Variants in MTERF4 observed in about 807,000 individuals in gnomAD.
MTERF4 encodes mitochondrial transcription termination factor 4, also known as transcription termination factor 4, mitochondrial.
Under a neutral mutation model 22.5 loss-of-function variants are expected in MTERF4, and 17 were observed. That is an observed-to-expected ratio of 0.75 (90% CI 0.52 to 1.13). The LOEUF (loss-of-function observed/expected upper bound fraction) is 1.13, where lower values mean the gene tolerates loss of function less well. Among genes scored for constraint, MTERF4 ranks in the 50% most tolerant of loss-of-function variants. MTERF4 has a pLI of 0.00. For synonymous variants in MTERF4, 165 were observed against 175.3 expected (o/e 0.94, Z 0.47); for missense variants, 420 against 466.8 (o/e 0.90, Z 0.92).
chr2:241,063,954 C>T, the MTERF4 span: 8 of 1,278,714 alleles, frequency 6.3e-6, no homozygotes, highest in Non-Finnish European at 4.4e-6. Context: ...GCTGTCCTCT[C>T]CTCCCTCCCC....
At chr2:241,101,113 T>C (rs55703168) in intron 1 of MTERF4, 6,559 of 458,232 alleles carry the variant, frequency 0.014, 371 homozygotes, top group African/African-American at 0.12. Flanking sequence ...GTGCACTTTA[T>C]TTCTGTTATT....
downstream of MTERF4, chr2:241,067,660 C>G: frequency 1.1e-6 from 1 of 909,752 alleles, no homozygotes; most frequent in Non-Finnish European, 1.7e-6. Context: ...CAGTGCCTCT[C>G]TGTGGCCCCC....
downstream of MTERF4, chr2:241,087,907 G>C (rs540412121): frequency 7.2e-6 from 3 of 418,732 alleles, no homozygotes; most frequent in Admixed American, 8.3e-5. Context: ...AAAGAAGTAC[G>C]TGAGAATATT....
the MTERF4 span, chr2:241,063,517 G>A: frequency 3.0e-6 from 3 of 992,038 alleles, no homozygotes; most frequent in African/African-American, 3.2e-5. Context: ...GGAAATGCAC[G>A]GAATCCTGGG....
At chr2:241,061,057 C>T in the MTERF4 span, among the ~76,000 whole-genome samples, 1 of 152,096 alleles carries the variant, frequency 6.6e-6, no homozygotes, top group African/African-American at 2.4e-5. Context: ...GATGAACATA[C>T]TTGACCATAT....
At chr2:241,053,731 C>T in the MTERF4 span, among the ~76,000 whole-genome samples, 1 of 152,170 alleles carries the variant, frequency 6.6e-6, no homozygotes, top group South Asian at 2.1e-4. Context: ...CCCCCTTCCC[C>T]CTGCAGGCAT....
chr2:241,046,083 A>G, the MTERF4 span, among the ~76,000 whole-genome samples: 1 of 152,254 alleles, frequency 6.6e-6, no homozygotes, highest in African/African-American at 2.4e-5. Flanking sequence ...AATATCAGCC[A>G]TTAGTGAAAT....
chr2:241,101,729 T>C (rs1375274072), intron 1 of MTERF4, among the ~76,000 whole-genome samples: 1 of 152,236 alleles, frequency 6.6e-6, no homozygotes, highest in Non-Finnish European at 1.5e-5. Flanking sequence ...GTACATGTTA[T>C]CTTCCTTGTG....
At chr2:241,052,023 C>T in the MTERF4 span, 4 of 1,608,902 alleles carry the variant, frequency 2.5e-6, no homozygotes, top group Admixed American at 3.3e-5. Flanking sequence ...GTGACCCTGA[C>T]CTGGCTTCTG....
the MTERF4 span, among the ~76,000 whole-genome samples, chr2:241,061,848 TC>T: frequency 2.7e-5 from 3 of 110,106 alleles, no homozygotes; most frequent in African/African-American, 1.1e-4. Flanking sequence ...CGAAACTCCA[TC>T]CCCCCAAAAA....
chr2:241,064,782 G>A, the MTERF4 span: 2 of 1,229,764 alleles, frequency 1.6e-6, no homozygotes, highest in Non-Finnish European at 2.2e-6. This position sits in a 1 kb window ranked among gnomAD's most constrained non-coding sequence, Gnocchi z 7.0. Context: ...GAGCAAGGGC[G>A]GGGCTGGAGC....
chr2:241,063,665 G>A, the MTERF4 span: 1 of 1,611,998 alleles, frequency 6.2e-7, no homozygotes, highest in Non-Finnish European at 8.5e-7. Context: ...GTCTGCCGGT[G>A]CCCTGCAGGC....
chr2:241,072,441 G>A (rs1482746565), exon 5 of MTERF4: 16 of 357,932 alleles, frequency 4.5e-5, no homozygotes, highest in South Asian at 2.5e-4. Flanking sequence ...CAGGAGTGAG[G>A]CAGGCGCGAC....
At chr2:241,071,874 A>T (rs1372937752), downstream of MTERF4, 3 of 1,601,128 alleles carry the variant, frequency 1.9e-6, no homozygotes, top group Non-Finnish European at 2.6e-6. Context: ...CCACCGTGAG[A>T]TCACGTGAGT....
downstream of MTERF4, chr2:241,082,172 C>A (rs1026517676): frequency 3.2e-5 from 28 of 870,132 alleles, no homozygotes; most frequent in African/African-American, 4.1e-4. Context: ...TTGGAGGAAG[C>A]CAGCCTAAGG....
chr2:241,049,391 C>A, the MTERF4 span, among the ~76,000 whole-genome samples: 2 of 152,188 alleles, frequency 1.3e-5, no homozygotes, highest in African/African-American at 4.8e-5. Context: ...CTTACCTAAG[C>A]CCCAACACAA....
chr2:241,053,825 C>T, the MTERF4 span, among the ~76,000 whole-genome samples: 1 of 152,218 alleles, frequency 6.6e-6, no homozygotes, highest in African/African-American at 2.4e-5. Flanking sequence ...AGCCTAGAGA[C>T]AAGGCTCCCT....
At chr2:241,087,769 C>A, downstream of MTERF4, 1 of 1,099,752 alleles carries the variant, frequency 9.1e-7, no homozygotes, top group Non-Finnish European at 1.2e-6. Flanking sequence ...CAGGGTGTTA[C>A]GGACAGCCCC....
At chr2:241,063,800 C>G in the MTERF4 span, 1 of 902,720 alleles carries the variant, frequency 1.1e-6, no homozygotes, top group South Asian at 1.6e-5. Flanking sequence ...GGCAGGCCAC[C>G]TGGGGAGAGG....
Sources: gnomAD v4.1 joint callset for allele counts (sites outside exome capture counted in the v4.1 genomes callset) on GRCh38, gnomAD v4.1.1 for gene constraint, Gnocchi (gnomAD v3.1) non-coding constraint, MANE v1.5 for transcripts, NCBI Gene and HGNC (gene_info 2026-07-23, HGNC 2026-07-21) for gene names.